Variants in NMNAT1 observed in about 807,000 individuals in gnomAD.
NMNAT1 encodes the protein nicotinamide nucleotide adenylyltransferase 1.
Under a neutral mutation model 16.7 loss-of-function variants are expected in NMNAT1, and 11 were observed. The observed-to-expected ratio is 0.66, with a 90% CI of 0.41 to 1.09. NMNAT1 has a LOEUF of 1.09. NMNAT1 is among the 50% of genes least tolerant of loss of function. The pLI, the probability that NMNAT1 is intolerant of heterozygous loss-of-function variation, is 0.00. For synonymous variants in NMNAT1, 110 were observed against 119.8 expected (o/e 0.92, Z 0.53); for missense variants, 280 against 332.3 (o/e 0.84, Z 1.22).
At chr1:9,974,132 C>T (rs1641753414) in intron 2 of NMNAT1, among the ~76,000 whole-genome samples, 1 of 152,158 alleles carries the variant, frequency 6.6e-6, no homozygotes, top group Admixed American at 6.6e-5. Flanking sequence ...GCCACCATAA[C>T]ATAGCATAAC....
the NMNAT1 span, among the ~76,000 whole-genome samples, chr1:9,992,760 A>G: frequency 5.9e-5 from 9 of 152,112 alleles, no homozygotes; most frequent in East Asian, 1.6e-3. Flanking sequence ...AAAATACAAA[A>G]AATTAGCTGG....
Position 9,975,748 on chromosome 1 carries a change from A to G in NMNAT1, c.272A>G (p.Glu91Gly). 6.2e-7 allele frequency: 1 copy of G among 1,613,682 alleles called. No individual in the cohort carries two copies. The highest frequency in any genetic ancestry group is 8.5e-7 in the Non-Finnish European group (1 of 1,179,810). ...GATACATGGGAAAGTCTTCAGAAGG[A>G]GTGGAAAGAGACTCTGAAGGTGCTA... Reference protein sequence around the residue: ...EVDTWESLQKEWKETLKVLRH... With the variant: ...EVDTWESLQKGWKETLKVLRH... Residue 91 changes from glutamate (E) to glycine (G), a missense_variant, in exon 3 of 5, where the codon GAG becomes GGG. Physicochemically the swap from Glu to Gly is moderately conservative, Grantham distance 98. Transcript: ENST00000377205.
At chr1:9,993,909 G>A in the NMNAT1 span, among the ~76,000 whole-genome samples, 1 of 152,082 alleles carries the variant, frequency 6.6e-6, no homozygotes, top group Non-Finnish European at 1.5e-5. Flanking sequence ...GGAGGCGAGA[G>A]GTGGCACTGA....
chr1:9,992,664 C>T, the NMNAT1 span, among the ~76,000 whole-genome samples: 1 of 152,036 alleles, frequency 6.6e-6, no homozygotes, highest in Non-Finnish European at 1.5e-5. Flanking sequence ...GTAATCCCAG[C>T]ACTTTGGGAG....
intron 1 of NMNAT1, among the ~76,000 whole-genome samples, chr1:9,963,535 G>A (rs568976201): frequency 1.3e-4 from 20 of 151,254 alleles, no homozygotes; most frequent in African/African-American, 4.6e-4. Context: ...TCAGCCTCCC[G>A]AGTACCTGGG....
chr1:9,993,771 A>C, the NMNAT1 span, among the ~76,000 whole-genome samples: 1 of 152,180 alleles, frequency 6.6e-6, no homozygotes, highest in Admixed American at 6.6e-5. Context: ...TCTTAGCTTG[A>C]GCATCCAGGG....
At chr1:9,963,733 G>A (rs977306833) in intron 1 of NMNAT1, among the ~76,000 whole-genome samples, 1 of 151,750 alleles carries the variant, frequency 6.6e-6, no homozygotes, top group Non-Finnish European at 1.5e-5. Flanking sequence ...TGAGATGTTT[G>A]TAATAGTGAA....
downstream of NMNAT1, among the ~76,000 whole-genome samples, chr1:9,990,255 T>C (rs186022440): frequency 6.6e-6 from 1 of 152,188 alleles, no homozygotes; most frequent in East Asian, 1.9e-4. Context: ...GTGCTGTGAG[T>C]CAACACTGTC....
intron 3 of NMNAT1, among the ~76,000 whole-genome samples, chr1:9,980,317 A>G (rs1468166841): frequency 6.6e-6 from 1 of 151,734 alleles, no homozygotes; most frequent in Non-Finnish European, 1.5e-5. Context: ...TAAAGGATTC[A>G]GTGTAATGTG....
chr1:9,970,220 A>G (rs1641656174), intron 1 of NMNAT1, among the ~76,000 whole-genome samples: 1 of 152,130 alleles, frequency 6.6e-6, no homozygotes. Flanking sequence ...AAATTAAGAA[A>G]TGGCATTATA....
At chr1:9,963,438 C>T (rs1333213724) in intron 1 of NMNAT1, among the ~76,000 whole-genome samples, 1 of 150,754 alleles carries the variant, frequency 6.6e-6, no homozygotes, top group Non-Finnish European at 1.5e-5. Context: ...AAGATGGCGT[C>T]TTGCTGTGTC....
intron 3 of NMNAT1, among the ~76,000 whole-genome samples, chr1:9,977,002 G>A (rs1438267216): frequency 1.3e-5 from 2 of 151,234 alleles, no homozygotes; most frequent in African/African-American, 4.9e-5. Flanking sequence ...TGCCTCCCGG[G>A]TTCAAGCCGT....
chr1:9,988,282 A>T (rs1033240000), downstream of NMNAT1, among the ~76,000 whole-genome samples: 1 of 152,102 alleles, frequency 6.6e-6, no homozygotes, highest in Admixed American at 6.6e-5. Context: ...GGTGTGAGCT[A>T]TCACACCCAA....
At chr1:9,962,679 T>G (rs1570692248) in intron 1 of NMNAT1, among the ~76,000 whole-genome samples, 2 of 77,624 alleles carry the variant, frequency 2.6e-5, no homozygotes, top group South Asian at 1.4e-3. Context: ...AAATAAGGGT[T>G]TTTTTTTTTT....
Position 9,977,638 on chromosome 1 carries a change from C to T in NMNAT1, c.299+1863C>T, listed in dbSNP as rs558376409. Among the ~76,000 whole-genome samples, 78 of 151,010 alleles carry T rather than the reference C, an allele frequency of 5.2e-4. No individual in the cohort carries two copies. In the East Asian group the frequency reaches 5.4e-3, roughly 10 times the overall value. The stretch of plus-strand genomic sequence containing the variant: ...TCCCAGCACTTTGGGAGGCTGAGGC[C>T]GGCAGATCACCTGAGTCCAGTAGTT... On this transcript the variant is annotated intron_variant, in intron 3 of 4. Transcript: ENST00000377205.
intron 1 of NMNAT1, among the ~76,000 whole-genome samples, chr1:9,967,068 A>G (rs569374192): frequency 6.6e-6 from 1 of 152,154 alleles, no homozygotes; most frequent in African/African-American, 2.4e-5. Context: ...TACTAAAAAT[A>G]CAAAAATTAG....
chr1:9,975,373 C>A (rs899960163), intron 2 of NMNAT1, among the ~76,000 whole-genome samples: 1 of 151,998 alleles, frequency 6.6e-6, no homozygotes. Flanking sequence ...TGGTGGCATG[C>A]GCCCGTAATC....
chr1:9,991,824 A>G, the NMNAT1 span, among the ~76,000 whole-genome samples: 1 of 152,180 alleles, frequency 6.6e-6, no homozygotes, highest in Non-Finnish European at 1.5e-5. Context: ...TGTTCTGAGA[A>G]GATGGCTCTC....
Position 9,983,756 on chromosome 1 carries a change from C to T in NMNAT1, c.*1055C>T, listed in dbSNP as rs546700015. ...ATCATACAGATGAGGGTCATTTTCT[C>T]CTCCTTAGCTTCTTGGAGTTTAAGA... On this transcript the variant is annotated 3_prime_UTR_variant, in exon 5 of 5. Coordinates refer to ENST00000377205, the MANE Select transcript of NMNAT1 (RefSeq NM_022787.4). 3.9e-5 allele frequency: 6 copies of T among 152,028 alleles called. No individual in the cohort carries two copies. The highest frequency in any genetic ancestry group is 7.4e-5 in the Non-Finnish European group (5 of 68,008). The allele number at this position is 152,028 out of a possible 1,614,324, so 9.4% of individuals were successfully genotyped here.
Sources: gnomAD v4.1 joint callset for allele counts (sites outside exome capture counted in the v4.1 genomes callset) on GRCh38, gnomAD v4.1.1 for gene constraint, MANE v1.5 for transcripts, NCBI Gene and HGNC (gene_info 2026-07-23, HGNC 2026-07-21) for gene names.